The following TBL1X variants were observed in gnomAD, a reference collection of about 807,000 sequenced individuals.
TBL1X encodes the protein transducin beta like 1 X-linked, also known as F-box-like/WD repeat-containing protein TBL1X.
In TBL1X, 10 loss-of-function variants were observed where a neutral mutation model predicts 50.7. That is an observed-to-expected ratio of 0.20 (90% CI 0.12 to 0.33). The LOEUF (loss-of-function observed/expected upper bound fraction) is 0.33, where lower values mean the gene tolerates loss of function less well. Ranked by LOEUF, TBL1X falls within the 10% of genes least tolerant of loss-of-function variation. The pLI, the probability that TBL1X is intolerant of heterozygous loss-of-function variation, is 1.00. For synonymous variants in TBL1X, 190 were observed against 214.7 expected (o/e 0.88, Z 1.01); for missense variants, 340 against 504.4 (o/e 0.67, Z 3.12).
chrX:9,480,684 T>C (rs1249475841), intron 1 of TBL1X, among the ~76,000 whole-genome samples: 1 of 110,341 alleles, frequency 9.1e-6, no homozygotes, highest in Non-Finnish European at 1.9e-5. Flanking sequence ...CTTGGGATTT[T>C]ATTTTGTAAT....
chrX:9,541,046 G>A (rs1163197897), intron 2 of TBL1X, among the ~76,000 whole-genome samples: 6 of 111,422 alleles, frequency 5.4e-5, no homozygotes, highest in Non-Finnish European at 1.1e-4. Flanking sequence ...CACTCGCCAG[G>A]GAAAAGAAGG....
chrX:9,709,159 C>T lies in TBL1X; in HGVS notation c.1237-89C>T, dbSNP rs922257190. The T allele has an allele frequency of 8.9e-5, 84 of 940,352 alleles. No individual in the cohort carries two copies. The Middle Eastern group carries it at 1.6e-3, about 17-fold the overall frequency. The allele number at this position is 940,352 out of a possible 1,213,427, so 77.5% of individuals were successfully genotyped here. On this transcript the variant is annotated intron_variant, in intron 13 of 17. Transcript: ENST00000645353. ...TGAAGCCGAAGACCTTCTGCAGCGC[C>T]GGTGGCGCGCTGCTGCCCCCTGCTG... is the stretch of plus-strand genomic sequence containing the variant.
chrX:9,716,156 T>C, intron 17 of TBL1X, 64 bp from the exon 18 acceptor site: 1 of 1,166,094 alleles, frequency 8.6e-7, no homozygotes, highest in East Asian at 3.0e-5. Context: ...CTTGCCGACT[T>C]CTCACTCTAA....
At chrX:9,565,834 C>CA (rs1406143629) in intron 2 of TBL1X, among the ~76,000 whole-genome samples, 1 of 110,405 alleles carries the variant, frequency 9.1e-6, no homozygotes, top group Non-Finnish European at 1.9e-5. Context: ...GTCCCAAAAA[C>CA]AAAAAACAAA....
chrX:9,505,907 A>T (rs1272691011), intron 2 of TBL1X, among the ~76,000 whole-genome samples: 1 of 112,315 alleles, frequency 8.9e-6, no homozygotes, highest in African/African-American at 3.2e-5. Flanking sequence ...CAGAAAATTA[A>T]CAAGGATATT....
At chrX:9,609,379 C>T (rs1235672240) in intron 2 of TBL1X, among the ~76,000 whole-genome samples, 1 of 67,679 alleles carries the variant, frequency 1.5e-5, no homozygotes, top group Non-Finnish European at 2.7e-5. Context: ...GTGTGTTGCC[C>T]CAGCATTTTG....
intron 2 of TBL1X, among the ~76,000 whole-genome samples, chrX:9,618,493 TG>T (rs1488485988): frequency 2.7e-5 from 3 of 111,217 alleles, no homozygotes. Context: ...CTGGCCAACA[TG>T]GCAAAACCCC....
intron 5 of TBL1X, among the ~76,000 whole-genome samples, chrX:9,662,310 G>C (rs890837797): frequency 1.8e-5 from 2 of 111,803 alleles, no homozygotes; most frequent in African/African-American, 6.5e-5. Flanking sequence ...AAGCAACCCA[G>C]ATGTCCATTG....
At chrX:9,595,523 C>T (rs763373627) in intron 2 of TBL1X, among the ~76,000 whole-genome samples, 25 of 111,952 alleles carry the variant, frequency 2.2e-4, no homozygotes, top group Admixed American at 8.5e-4. Context: ...AAATAATTCC[C>T]TCCTGAGTCG....
At chrX:9,613,398 T>C (rs1422732666) in intron 2 of TBL1X, among the ~76,000 whole-genome samples, 1 of 111,615 alleles carries the variant, frequency 9.0e-6, no homozygotes, top group African/African-American at 3.3e-5. Flanking sequence ...TTTTAATTAA[T>C]TTAAATTTAA....
chrX:9,501,585 G>T (rs2082001769), intron 1 of TBL1X, among the ~76,000 whole-genome samples, 195 bp from the exon 2 acceptor site: 1 of 111,353 alleles, frequency 9.0e-6, no homozygotes, highest in Admixed American at 9.5e-5. Context: ...TGGACTCTGG[G>T]GTCCCCCTGG....
rs1431449092 is a variant in TBL1X, at chrX:9,475,559, T to C, written c.-201+10112T>C. Among the ~76,000 whole-genome samples, 7 of 110,726 alleles carry C rather than the reference T, an allele frequency of 6.3e-5. No individual in the cohort carries two copies. In the East Asian group the frequency reaches 1.1e-3, roughly 18 times the overall value. On this transcript the variant is annotated intron_variant, in intron 1 of 17. Transcript: ENST00000645353. ...CCACGCCTGGCCTCATTAGGTTTTT[T>C]TTTTTTTTCTGAGTTGCTGCTACAC...
intron 2 of TBL1X, among the ~76,000 whole-genome samples, chrX:9,532,051 TTA>T (rs2082164927): frequency 9.0e-6 from 1 of 111,554 alleles, no homozygotes; most frequent in South Asian, 3.7e-4. Context: ...AGCACGTCTT[TTA>T]AAATCAGTGC....
rs61558596 is a variant in TBL1X, at chrX:9,495,918, C to G, written c.-200-5862C>G. 5.1e-3 allele frequency among the ~76,000 whole-genome samples: 573 copies of G among 112,285 alleles called. 5 individuals are homozygous for G. The highest frequency in any genetic ancestry group is 0.018 in the African/African-American group (553 of 30,884). On this transcript the variant is annotated intron_variant, in intron 1 of 17. Coordinates refer to ENST00000645353, the MANE Select transcript of TBL1X (RefSeq NM_005647.4). The stretch of plus-strand genomic sequence containing the variant: ...ATGTGCATTTGGTGACACAGCCACA[C>G]GCTGCATGTTTGAGAATGACCATGA...
chrX:9,506,190 C>T (rs983012642), intron 2 of TBL1X, among the ~76,000 whole-genome samples: 3 of 111,846 alleles, frequency 2.7e-5, no homozygotes, highest in African/African-American at 9.7e-5. Context: ...ACAACTTGCT[C>T]CTGGATGACT....
chrX:9,565,556 T>C (rs1266025606), intron 2 of TBL1X, among the ~76,000 whole-genome samples: 1 of 111,130 alleles, frequency 9.0e-6, no homozygotes, highest in East Asian at 2.8e-4. Flanking sequence ...TGGCCAGGCA[T>C]GGTGGCTTAT....
chrX:9,503,518 T>C (rs1389786243), intron 2 of TBL1X, among the ~76,000 whole-genome samples: 1 of 111,372 alleles, frequency 9.0e-6, no homozygotes, highest in Non-Finnish European at 1.9e-5. Flanking sequence ...CTGCCTAACA[T>C]GCTAAGCTCC....
At chrX:9,654,783 C>T (rs759968521) in intron 5 of TBL1X, among the ~76,000 whole-genome samples, 48 of 111,132 alleles carry the variant, frequency 4.3e-4, no homozygotes, top group Non-Finnish European at 7.2e-4. Context: ...TTTTTGATTA[C>T]CACTGAGACA....
At chrX:9,559,820 C>CTT (rs2082316599) in intron 2 of TBL1X, among the ~76,000 whole-genome samples, 2 of 108,254 alleles carry the variant, frequency 1.8e-5, no homozygotes, top group African/African-American at 6.7e-5. Flanking sequence ...AGTAAAAGTT[C>CTT]TTAAATGTGT....
Sources: gnomAD v4.1 joint callset for allele counts (sites outside exome capture counted in the v4.1 genomes callset) on GRCh38, gnomAD v4.1.1 for gene constraint, MANE v1.5 for transcripts, NCBI Gene and HGNC (gene_info 2026-07-23, HGNC 2026-07-21) for gene names.